The following FOXP2 variants were observed in gnomAD, a reference collection of about 807,000 sequenced individuals.
FOXP2 encodes forkhead box protein P2.
FOXP2 carries 12 observed loss-of-function variants against 115.8 expected under a neutral mutation model. The ratio of observed to expected loss-of-function variants is 0.10; its 90% CI spans 0.07 to 0.17. FOXP2 has a LOEUF of 0.17. Ranked by LOEUF, FOXP2 falls within the 10% of genes least tolerant of loss-of-function variation. The probability of loss-of-function intolerance (pLI) is 1.00; values close to 1 mark genes in which losing one functional copy is unlikely to be tolerated. For synonymous variants in FOXP2, 328 were observed against 297.7 expected (o/e 1.10, Z -1.05); for missense variants, 629 against 843.5 (o/e 0.75, Z 3.15).
chr7:114,209,923 T>A (rs1794300779), intron 1 of FOXP2, among the ~76,000 whole-genome samples: 2 of 152,230 alleles, frequency 1.3e-5, no homozygotes, highest in South Asian at 4.1e-4. Flanking sequence ...TCTGTTCTGC[T>A]GTTGATACTT....
intron 2 of FOXP2, among the ~76,000 whole-genome samples, chr7:114,458,974 C>A (rs1795443070): frequency 6.6e-6 from 1 of 152,112 alleles, no homozygotes; most frequent in South Asian, 2.1e-4. Context: ...CTGGCTTCAT[C>A]CGGAGGTGGG....
chr7:114,362,800 C>A (rs1039941472), intron 2 of FOXP2, among the ~76,000 whole-genome samples: 12 of 152,022 alleles, frequency 7.9e-5, no homozygotes, highest in Non-Finnish European at 1.8e-4. Flanking sequence ...TTATAGCAAG[C>A]ATTTTGACAA....
chr7:114,118,683 T>C (rs1186942017), intron 1 of FOXP2, among the ~76,000 whole-genome samples: 1 of 152,174 alleles, frequency 6.6e-6, no homozygotes, highest in Non-Finnish European at 1.5e-5. Context: ...CTTCTGATTA[T>C]GTGCCACGTA....
chr7:114,194,879 A>G (rs886530654), intron 1 of FOXP2, among the ~76,000 whole-genome samples: 33 of 152,216 alleles, frequency 2.2e-4, no homozygotes, highest in African/African-American at 7.7e-4. Flanking sequence ...GATATAGGAC[A>G]TAATAAATAA....
At chr7:114,291,390 G>C (rs984077648) in intron 2 of FOXP2, among the ~76,000 whole-genome samples, 3 of 152,062 alleles carry the variant, frequency 2.0e-5, no homozygotes, top group African/African-American at 7.2e-5. Flanking sequence ...TTTTAACATA[G>C]GAATTTGGGG....
At chr7:114,173,925 CTG>C (rs1272305239) in intron 1 of FOXP2, among the ~76,000 whole-genome samples, 3 of 151,656 alleles carry the variant, frequency 2.0e-5, no homozygotes, top group Non-Finnish European at 4.4e-5. Context: ...ATTTGCAGAC[CTG>C]GGTTCAAATG....
At chr7:114,556,200 T>G (rs1324580448) in intron 3 of FOXP2, among the ~76,000 whole-genome samples, 1 of 152,074 alleles carries the variant, frequency 6.6e-6, no homozygotes, top group African/African-American at 2.4e-5. Context: ...TCCCCCTACA[T>G]CACATCAAAA....
intron 2 of FOXP2, among the ~76,000 whole-genome samples, chr7:114,461,961 A>G (rs1795577023): frequency 6.6e-6 from 1 of 152,078 alleles, no homozygotes; most frequent in Non-Finnish European, 1.5e-5. Flanking sequence ...TCTGGTTTCT[A>G]TTTGTGCATG....
intron 16 of FOXP2, among the ~76,000 whole-genome samples, chr7:114,674,434 A>T (rs1349110744): frequency 1.3e-5 from 2 of 152,212 alleles, no homozygotes; most frequent in Non-Finnish European, 2.9e-5. Flanking sequence ...GTTTTCATCA[A>T]GGGATAAGGA....
At chr7:114,484,714 A>G (rs1056074362) in intron 2 of FOXP2, among the ~76,000 whole-genome samples, 1 of 151,858 alleles carries the variant, frequency 6.6e-6, no homozygotes, top group Non-Finnish European at 1.5e-5. Context: ...AACCCTTACC[A>G]TTGTCATTAA....
intron 2 of FOXP2, among the ~76,000 whole-genome samples, chr7:114,340,202 A>G (rs559421724): frequency 9.3e-5 from 14 of 151,288 alleles, no homozygotes; most frequent in Admixed American, 7.9e-4. Context: ...CTGATCCCAC[A>G]ATGCTGTTTT....
At chr7:114,254,137 C>A (rs548888146) in intron 1 of FOXP2, among the ~76,000 whole-genome samples, 1 of 152,276 alleles carries the variant, frequency 6.6e-6, no homozygotes, top group African/African-American at 2.4e-5. Context: ...TCTCTTCTGG[C>A]TTGTAGAGTT....
intron 2 of FOXP2, among the ~76,000 whole-genome samples, chr7:114,431,259 A>G (rs1351538864): frequency 6.6e-6 from 1 of 151,904 alleles, no homozygotes; most frequent in Non-Finnish European, 1.5e-5. Context: ...CACATTTGTT[A>G]TCTCTCGCCC....
At chr7:114,255,924 A>G (rs551886868) in intron 1 of FOXP2, among the ~76,000 whole-genome samples, 9 of 152,282 alleles carry the variant, frequency 5.9e-5, no homozygotes, top group Admixed American at 2.0e-4. Context: ...CTATTCGGCC[A>G]TCGTGGAACC....
At chr7:114,526,786 C>T (rs1476872600) in intron 2 of FOXP2, among the ~76,000 whole-genome samples, 1 of 152,040 alleles carries the variant, frequency 6.6e-6, no homozygotes, top group Non-Finnish European at 1.5e-5. Context: ...TATATAACAA[C>T]TTTATTGAGA....
rs568426041 is a variant in FOXP2, at chr7:114,540,801, T to C, written c.258+6095T>C. On this transcript the variant is annotated intron_variant, in intron 3 of 16. Transcript: ENST00000350908. ...TGTAGACATAGGAAATTCTGAGATCTGGTTGGGCAAGTGTAAGTAGTTTGT... is the reference window on the plus strand; with the variant it reads ...TGTAGACATAGGAAATTCTGAGATCCGGTTGGGCAAGTGTAAGTAGTTTGT... 2.6e-5 allele frequency among the ~76,000 whole-genome samples: 4 copies of C among 152,194 alleles called. No individual in the cohort carries two copies. In the South Asian group the frequency reaches 8.3e-4, roughly 32 times the overall value.
At chr7:114,335,822 TG>T (rs1158283726) in intron 2 of FOXP2, among the ~76,000 whole-genome samples, 1 of 151,536 alleles carries the variant, frequency 6.6e-6, no homozygotes, top group Non-Finnish European at 1.5e-5. Context: ...GAAAAAATGG[TG>T]TGGAGTGATT....
intron 1 of FOXP2, among the ~76,000 whole-genome samples, chr7:114,186,883 G>A (rs947011249): frequency 7.9e-5 from 12 of 152,154 alleles, no homozygotes; most frequent in African/African-American, 1.9e-4. Flanking sequence ...GCCATGACTC[G>A]GGGAGCCGAG....
At chr7:114,581,500 A>G (rs1313920458) in intron 3 of FOXP2, among the ~76,000 whole-genome samples, 1 of 152,088 alleles carries the variant, frequency 6.6e-6, no homozygotes, top group Non-Finnish European at 1.5e-5. Flanking sequence ...TCACAGCAAA[A>G]CTGAGAGAAA....
Sources: gnomAD v4.1 joint callset for allele counts (sites outside exome capture counted in the v4.1 genomes callset) on GRCh38, gnomAD v4.1.1 for gene constraint, MANE v1.5 for transcripts, NCBI Gene and HGNC (gene_info 2026-07-23, HGNC 2026-07-21) for gene names.